TPRG1: variants seen among roughly 807,000 people sequenced by gnomAD.
TPRG1 encodes tumor protein p63 regulated 1.
A neutral mutation model predicts 29.3 loss-of-function variants in TPRG1; 29 were observed. The observed-to-expected ratio is 0.99, with a 90% CI of 0.74 to 1.35. TPRG1 has a LOEUF of 1.35. TPRG1 is among the 40% of genes most tolerant of loss of function. TPRG1 has a pLI of 0.00. For missense variants in TPRG1, 327 were observed against 335.0 expected (o/e 0.98, Z 0.19); for synonymous variants, 130 against 116.8 (o/e 1.11, Z -0.73).
At chr3:189,008,820 G>C (rs550430389) in intron 3 of TPRG1, among the ~76,000 whole-genome samples, 1 of 152,262 alleles carries the variant, frequency 6.6e-6, no homozygotes, top group South Asian at 2.1e-4. Context: ...TTTAAGATGT[G>C]CTGAGGAAAA....
Position 189,274,308 on chromosome 3 carries a change from T to A in TPRG1, c.479+35399T>A, listed in dbSNP as rs558165497. Among the ~76,000 whole-genome samples, 180 of 152,264 alleles carry A rather than the reference T, an allele frequency of 1.2e-3. 2 individuals are homozygous for A. Among genetic ancestry groups the A allele is most frequent in the Admixed American group, 0.012 (178 of 15,288 alleles). Reference sequence around the variant, plus strand: ...TTATCTCACTATCATTGGAGGGAAATCTCTTAACGATGGAATATGCAATCT... The same window carrying A: ...TTATCTCACTATCATTGGAGGGAAAACTCTTAACGATGGAATATGCAATCT... On this transcript the variant is annotated intron_variant, in intron 4 of 5. Coordinates refer to ENST00000345063, the MANE Select transcript of TPRG1 (RefSeq NM_198485.4).
chr3:189,312,081 G>GTTTCTTTCTTTCTTTC (rs1220000280), intron 5 of TPRG1, among the ~76,000 whole-genome samples: 6 of 120,042 alleles, frequency 5.0e-5, no homozygotes, highest in African/African-American at 2.3e-4. Context: ...AACACTTTAT[G>GTTTCTTTCTTTCTTTC]TTTCTTTCTT....
intron 4 of TPRG1, among the ~76,000 whole-genome samples, chr3:189,284,734 A>C (rs1220386090): frequency 2.6e-5 from 4 of 152,200 alleles, no homozygotes; most frequent in Non-Finnish European, 5.9e-5. Context: ...CTGCCTAGCC[A>C]TATGTAGAAA....
intron 4 of TPRG1, among the ~76,000 whole-genome samples, chr3:189,084,555 TTAAAG>T (rs1717811769): frequency 6.6e-6 from 1 of 152,230 alleles, no homozygotes. Context: ...TTCAACCTAA[TTAAAG>T]TAACTTTGCT....
intron 4 of TPRG1, among the ~76,000 whole-genome samples, chr3:189,269,443 ACT>A (rs1161150034): frequency 3.3e-5 from 5 of 152,172 alleles, no homozygotes; most frequent in Admixed American, 3.3e-4. Flanking sequence ...GGGAGACCTT[ACT>A]TAGGTGCGCC....
chr3:189,088,650 T>C (rs1009640997), intron 4 of TPRG1, among the ~76,000 whole-genome samples: 60 of 152,286 alleles, frequency 3.9e-4, no homozygotes, highest in Middle Eastern at 3.4e-3. Flanking sequence ...AAATCATCTA[T>C]ATCTATATAT....
intron 4 of TPRG1, among the ~76,000 whole-genome samples, chr3:189,078,053 TTCCTTC>T (rs1560430571): frequency 5.4e-5 from 8 of 148,440 alleles, no homozygotes; most frequent in African/African-American, 2.1e-4. Context: ...CCTTCCTTCC[TTCCTTC>T]CTTTCTCTCC....
At chr3:189,139,212 A>G (rs1376562534) in intron 3 of TPRG1, among the ~76,000 whole-genome samples, 1 of 152,208 alleles carries the variant, frequency 6.6e-6, no homozygotes, top group Non-Finnish European at 1.5e-5. Context: ...AGAGATGTTA[A>G]ATAAGTTGCC....
chr3:189,237,125 C>T (rs879932457), intron 3 of TPRG1, among the ~76,000 whole-genome samples: 2 of 152,164 alleles, frequency 1.3e-5, no homozygotes, highest in African/African-American at 4.8e-5. Flanking sequence ...ATTTCCACCT[C>T]CAGCCTCACA....
chr3:189,029,105 A>G (rs7650929), intron 4 of TPRG1, among the ~76,000 whole-genome samples: 11,062 of 152,180 alleles, frequency 0.073, 782 homozygotes, highest in African/African-American at 0.18. Context: ...AAGAGGTTCA[A>G]TAAAAATTGA....
intron 5 of TPRG1, among the ~76,000 whole-genome samples, chr3:189,161,808 G>A (rs147244077): frequency 1.3e-5 from 2 of 152,246 alleles, no homozygotes; most frequent in South Asian, 2.1e-4. Flanking sequence ...GATACTGCAC[G>A]TGCTGTGAAA....
At chr3:189,214,831 A>G (rs895891099) in intron 2 of TPRG1, among the ~76,000 whole-genome samples, 5 of 152,162 alleles carry the variant, frequency 3.3e-5, no homozygotes, top group East Asian at 3.8e-4. Flanking sequence ...GGAAGGAAGC[A>G]GAAAATGAGG....
chr3:189,265,058 T>C (rs1380431084), intron 4 of TPRG1, among the ~76,000 whole-genome samples: 2 of 152,198 alleles, frequency 1.3e-5, no homozygotes, highest in Non-Finnish European at 2.9e-5. Context: ...AAATTTGAAA[T>C]GTATGAATCT....
intron 1 of TPRG1, among the ~76,000 whole-genome samples, chr3:189,118,249 T>C (rs1172105154): frequency 1.3e-5 from 2 of 152,190 alleles, no homozygotes; most frequent in Non-Finnish European, 2.9e-5. Flanking sequence ...GGCCGCATTC[T>C]ACCCCTGCCC....
intron 4 of TPRG1, among the ~76,000 whole-genome samples, chr3:189,063,320 G>A (rs3914986): frequency 0.15 from 22,987 of 152,016 alleles, 3,463 homozygotes; most frequent in African/African-American, 0.39. Context: ...CAGTACTTCA[G>A]CATTACCTTT....
chr3:189,262,959 G>C (rs1336214476), intron 4 of TPRG1, among the ~76,000 whole-genome samples: 1 of 152,248 alleles, frequency 6.6e-6, no homozygotes, highest in Admixed American at 6.5e-5. Flanking sequence ...ACTTCCCTCA[G>C]AGATGGCAAG....
chr3:189,312,129 CTT>C (rs1491249461), intron 5 of TPRG1, among the ~76,000 whole-genome samples: 1,181 of 37,694 alleles, frequency 0.031, 74 homozygotes, highest in African/African-American at 0.068. Context: ...TTCTTTCTTT[CTT>C]TCTTTCTTTC....
chr3:189,246,810 G>A (rs1243934664), intron 4 of TPRG1, among the ~76,000 whole-genome samples: 2 of 152,066 alleles, frequency 1.3e-5, no homozygotes, highest in East Asian at 1.9e-4. Flanking sequence ...CTTTCAAGAC[G>A]TTGTTCCACC....
chr3:189,037,313 C>T (rs1311205801), intron 4 of TPRG1, among the ~76,000 whole-genome samples: 3 of 151,514 alleles, frequency 2.0e-5, no homozygotes, highest in Non-Finnish European at 4.4e-5. Flanking sequence ...TATGATTTAC[C>T]TCAGTAACAT....
Sources: gnomAD v4.1 joint callset for allele counts (sites outside exome capture counted in the v4.1 genomes callset) on GRCh38, gnomAD v4.1.1 for gene constraint, MANE v1.5 for transcripts, NCBI Gene and HGNC (gene_info 2026-07-23, HGNC 2026-07-21) for gene names.